The following ATP10A variants were observed in gnomAD, a reference collection of about 807,000 sequenced individuals.
The protein encoded by ATP10A is ATPase phospholipid transporting 10A (putative), also known as phospholipid-transporting ATPase VA.
Under a neutral mutation model 147.8 loss-of-function variants are expected in ATP10A, and 111 were observed. The observed-to-expected ratio is 0.75, with a 90% CI of 0.64 to 0.88. The LOEUF (loss-of-function observed/expected upper bound fraction) is 0.88, where lower values mean the gene tolerates loss of function less well. Ranked by LOEUF, ATP10A falls within the 40% of genes least tolerant of loss-of-function variation. ATP10A has a pLI of 0.00. For missense variants in ATP10A, 1,927 were observed against 1,959.0 expected, an observed-to-expected ratio of 0.98 and a Z score of 0.31; for synonymous variants, 875 against 841.6, an observed-to-expected ratio of 1.04 and a Z score of -0.69.
rs1899376667 is a variant in ATP10A at position 25,680,981 on chromosome 15, G to T, written c.3573+13C>A. 1 of 1,614,014 alleles carries T rather than the reference G, an allele frequency of 6.2e-7. No homozygotes were observed. On this transcript the variant is annotated intron_variant, in intron 18 of 20. Coordinates refer to ENST00000555815, the MANE Select transcript of ATP10A (RefSeq NM_024490.4). ...CAGCTGGTAAGAAAAACTGCACCCA[G>T]GGGCCAACTTACCAGGTAAGGAATG...
intron 2 of ATP10A, among the ~76,000 whole-genome samples, chr15:25,752,311 T>C (rs961159394): frequency 2.0e-5 from 3 of 152,186 alleles, no homozygotes; most frequent in Non-Finnish European, 4.4e-5. Flanking sequence ...TGAAATACTA[T>C]TCAGCTTTAA....
intron 1 of ATP10A, among the ~76,000 whole-genome samples, chr15:25,798,091 C>A (rs1285601344): frequency 6.6e-6 from 1 of 152,064 alleles, no homozygotes; most frequent in Non-Finnish European, 1.5e-5. Context: ...GGGAGGGAGG[C>A]CCTGGGTTGC....
intron 2 of ATP10A, among the ~76,000 whole-genome samples, chr15:25,757,748 T>C (rs550335473): frequency 6.6e-6 from 1 of 152,366 alleles, no homozygotes; most frequent in East Asian, 1.9e-4. Flanking sequence ...AAAGAATTAA[T>C]GTCAGTATGT....
intron 1 of ATP10A, among the ~76,000 whole-genome samples, chr15:25,835,658 G>C (rs1892557462): frequency 6.6e-6 from 1 of 152,066 alleles, no homozygotes; most frequent in African/African-American, 2.4e-5. Context: ...TAAGAGACTG[G>C]GTCATATTCT....
chr15:25,785,034 G>T (rs1596881672), intron 1 of ATP10A, among the ~76,000 whole-genome samples: 1 of 152,048 alleles, frequency 6.6e-6, no homozygotes, highest in Non-Finnish European at 1.5e-5. Flanking sequence ...AGCGGGACAG[G>T]CCCCTCCTTA....
chr15:25,691,226 G>A (rs764085482), intron 15 of ATP10A, among the ~76,000 whole-genome samples: 7 of 152,180 alleles, frequency 4.6e-5, no homozygotes, highest in Non-Finnish European at 7.3e-5. Flanking sequence ...TTCAATGTCT[G>A]ACTCCCAGAC....
At chr15:25,680,438 T>C (rs1450324877) in intron 19 of ATP10A, 130 bp from the exon 20 acceptor site, 3 of 998,632 alleles carry the variant, frequency 3.0e-6, no homozygotes, top group East Asian at 2.6e-5. Flanking sequence ...CTGCGGTCTA[T>C]GACGCGGGTA....
Position 25,714,126 on chromosome 15 carries a change from T to A in ATP10A, c.1892A>T (p.Asn631Ile). 1 of 1,612,780 alleles carries A rather than the reference T, an allele frequency of 6.2e-7. No individual in the cohort carries two copies. Among genetic ancestry groups the A allele is most frequent in the Non-Finnish European group, 8.5e-7 (1 of 1,180,018 alleles). Residue 631 changes from asparagine (N) to isoleucine (I), a missense_variant, in exon 10 of 21, where the codon AAC (asparagine) becomes ATC (isoleucine). Physicochemically the swap from Asn to Ile is moderately radical, Grantham distance 149 (BLOSUM62 -3). Coordinates refer to ENST00000555815, the MANE Select transcript of ATP10A (RefSeq NM_024490.4). ...GGAGCCCAACTTGTGGCTGGACTTG[T>A]TGGCGGCCAGGCTCCCGATGCTGCT... ...GCSSIGSLAA[N>I]KSSHKLGSSF... is the part of the protein sequence containing the mutation.
chr15:25,796,169 G>A (rs1020683729), intron 1 of ATP10A, among the ~76,000 whole-genome samples: 3 of 152,188 alleles, frequency 2.0e-5, no homozygotes, highest in Non-Finnish European at 4.4e-5. Context: ...AGGCGTGGTG[G>A]TTCACATCTG....
chr15:25,860,400 G>A (rs1893709186), intron 1 of ATP10A, among the ~76,000 whole-genome samples: 2 of 152,192 alleles, frequency 1.3e-5, no homozygotes, highest in African/African-American at 4.8e-5. Flanking sequence ...GCCCTATGGT[G>A]CCATCTGTCC....
chr15:25,744,215 G>A (rs1300780859), intron 2 of ATP10A, among the ~76,000 whole-genome samples: 1 of 152,134 alleles, frequency 6.6e-6, no homozygotes, highest in Non-Finnish European at 1.5e-5. Context: ...ACCCAGCTTA[G>A]AGTCAACTGA....
At chr15:25,853,846 A>G (rs1893393604) in intron 1 of ATP10A, among the ~76,000 whole-genome samples, 1 of 152,056 alleles carries the variant, frequency 6.6e-6, no homozygotes, top group Admixed American at 6.6e-5. Flanking sequence ...AAACAAAACA[A>G]AACAAAACAA....
At chr15:25,777,081 GTGTGTGCATA>G (rs1191439406) in intron 2 of ATP10A, among the ~76,000 whole-genome samples, 1 of 141,482 alleles carries the variant, frequency 7.1e-6, no homozygotes, top group Non-Finnish European at 1.5e-5. Flanking sequence ...GTGCATGCGT[GTGTGTGCATA>G]CGTGCGTGTG....
At chr15:25,826,418 G>A (rs1268742761) in intron 1 of ATP10A, among the ~76,000 whole-genome samples, 4 of 152,088 alleles carry the variant, frequency 2.6e-5, no homozygotes, top group African/African-American at 9.7e-5. Flanking sequence ...ACAAACATCA[G>A]CCAGGTGCGA....
intron 13 of ATP10A, among the ~76,000 whole-genome samples, chr15:25,696,511 G>C (rs1465635005): frequency 6.6e-6 from 1 of 152,232 alleles, no homozygotes; most frequent in Non-Finnish European, 1.5e-5. Flanking sequence ...TGCTCCCACT[G>C]ACTTCAGGCG....
Position 25,694,841 on chromosome 15 carries a change from G to C in ATP10A, c.3066C>G (p.Leu1022=). The change falls in exon 14 of 21, where the codon CTC becomes CTG. Residue 1022 remains leucine, a synonymous_variant. Transcript: ENST00000555815. ...SMVVKLVRSK[L]KAMTLAIGDG... ...TGCCTATGGCCAGGGTCATGGCCTT[G>C]AGCTTGCTCCGCACCAGCTTCACCA... is the stretch of plus-strand genomic sequence containing the variant. The C allele has an allele frequency of 1.2e-6, 2 of 1,612,864 alleles. No individual in the cohort carries two copies. The highest frequency in any genetic ancestry group is 1.7e-6 in the Non-Finnish European group (2 of 1,179,226).
intron 14 of ATP10A, among the ~76,000 whole-genome samples, chr15:25,694,123 G>C (rs1900180653): frequency 6.6e-6 from 1 of 152,202 alleles, no homozygotes; most frequent in Non-Finnish European, 1.5e-5. Context: ...GACTCTGCCT[G>C]CACTAGAAGT....
chr15:25,851,353 C>T (rs966818342), intron 1 of ATP10A, among the ~76,000 whole-genome samples: 3 of 151,682 alleles, frequency 2.0e-5, no homozygotes, highest in African/African-American at 7.3e-5. Flanking sequence ...AAAACCAAGA[C>T]TTACTTTAGG....
At chr15:25,722,657 C>T (rs1035438330) in intron 6 of ATP10A, among the ~76,000 whole-genome samples, 4 of 152,154 alleles carry the variant, frequency 2.6e-5, no homozygotes, top group Admixed American at 6.5e-5. Flanking sequence ...GAGGCTAGAA[C>T]AAAATTTGCA....
Sources: allele counts gnomAD v4.1 joint callset (sites outside exome capture counted in the v4.1 genomes callset), GRCh38; gene constraint gnomAD v4.1.1; transcripts MANE v1.5; gene names NCBI Gene and HGNC (gene_info 2026-07-23, HGNC 2026-07-21).